The following DGKB variants were observed in gnomAD, a reference collection of about 807,000 sequenced individuals.
DGKB encodes 90 kDa diacylglycerol kinase.
A neutral mutation model predicts 114.3 loss-of-function variants in DGKB; 67 were observed. The observed-to-expected ratio is 0.59, with a 90% CI of 0.48 to 0.72. DGKB has a LOEUF of 0.72. Among genes scored for constraint, DGKB ranks in the 30% least tolerant of loss-of-function variants. The pLI, the probability that DGKB is intolerant of heterozygous loss-of-function variation, is 0.00. For missense variants in DGKB, 907 were observed against 975.2 expected (o/e 0.93, Z 0.93); for synonymous variants, 398 against 323.1 (o/e 1.23, Z -2.49).
chr7:14,726,494 G>A (rs1191978901), intron 5 of DGKB, among the ~76,000 whole-genome samples: 3 of 152,152 alleles, frequency 2.0e-5, no homozygotes, highest in African/African-American at 7.2e-5. Context: ...AAATAAATCA[G>A]AGGAAACTGT....
intron 23 of DGKB, among the ~76,000 whole-genome samples, chr7:14,248,989 G>A (rs1040353804): frequency 2.0e-5 from 3 of 152,206 alleles, no homozygotes; most frequent in Non-Finnish European, 2.9e-5. Context: ...CTTGTATGGC[G>A]TTTATTACGT....
At chr7:14,392,066 A>G (rs1344626617) in intron 21 of DGKB, among the ~76,000 whole-genome samples, 2 of 152,194 alleles carry the variant, frequency 1.3e-5, no homozygotes, top group African/African-American at 4.8e-5. Context: ...TTCCAAAACA[A>G]TTTGGAAATC....
At chr7:14,305,259 A>G (rs1199744528) in intron 23 of DGKB, among the ~76,000 whole-genome samples, 2 of 152,066 alleles carry the variant, frequency 1.3e-5, no homozygotes, top group Non-Finnish European at 2.9e-5. Context: ...GTACCCATTA[A>G]CCAACCTCTT....
chr7:14,758,923 A>AGAT (rs1562462361), intron 2 of DGKB, among the ~76,000 whole-genome samples: 1,731 of 149,904 alleles, frequency 0.012, 38 homozygotes, highest in African/African-American at 0.042. Context: ...ATAGATAGAT[A>AGAT]GATAGATAGA....
intron 10 of DGKB, among the ~76,000 whole-genome samples, chr7:14,683,340 G>C (rs1175425024): frequency 6.6e-6 from 1 of 152,114 alleles, no homozygotes; most frequent in Non-Finnish European, 1.5e-5. Context: ...CATCATACAT[G>C]CCAGGCCTTT....
At chr7:14,155,625 C>G (rs2128218534) in intron 25 of DGKB, among the ~76,000 whole-genome samples, 1 of 151,982 alleles carries the variant, frequency 6.6e-6, no homozygotes, top group Non-Finnish European at 1.5e-5. Context: ...CAGGGCAGTG[C>G]CAATGGGAAC....
intron 6 of DGKB, among the ~76,000 whole-genome samples, chr7:14,709,061 A>G (rs1168472327): frequency 2.8e-5 from 4 of 143,336 alleles, no homozygotes; most frequent in African/African-American, 1.0e-4. Flanking sequence ...TTCGCAACCT[A>G]CTCATCTGAC....
intron 5 of DGKB, among the ~76,000 whole-genome samples, chr7:14,728,321 A>G (rs1467530661): frequency 1.3e-5 from 2 of 152,130 alleles, no homozygotes; most frequent in South Asian, 2.1e-4. Context: ...CTGGCTTAAA[A>G]TCTCATAATG....
At chr7:14,264,856 A>G (rs1334533161) in intron 23 of DGKB, among the ~76,000 whole-genome samples, 1 of 152,180 alleles carries the variant, frequency 6.6e-6, no homozygotes, top group Non-Finnish European at 1.5e-5. Context: ...GCACAAAATC[A>G]TGAGAAAAAT....
chr7:14,658,965 C>T (rs1816438735), intron 13 of DGKB, among the ~76,000 whole-genome samples: 2 of 151,836 alleles, frequency 1.3e-5, no homozygotes, highest in East Asian at 1.9e-4. Context: ...AGGTTTGTTC[C>T]ACAGGTATAC....
intron 14 of DGKB, among the ~76,000 whole-genome samples, chr7:14,625,713 T>A (rs1033071494): frequency 6.6e-6 from 1 of 152,108 alleles, no homozygotes. Flanking sequence ...ATCCTAGATA[T>A]ACAAAGAGTT....
chr7:14,865,027 G>C (rs1378137215), intron 1 of DGKB, among the ~76,000 whole-genome samples: 2 of 152,156 alleles, frequency 1.3e-5, no homozygotes, highest in Non-Finnish European at 2.9e-5. Context: ...CACAGCAGCA[G>C]AGATGAGGGA....
At chr7:14,222,553 T>C (rs1198090525) in intron 23 of DGKB, among the ~76,000 whole-genome samples, 1 of 151,426 alleles carries the variant, frequency 6.6e-6, no homozygotes. Context: ...ATTCGGTCTA[T>C]CCTGGAGAAT....
At chr7:14,356,796 G>A (rs1056494616) in intron 21 of DGKB, among the ~76,000 whole-genome samples, 14 of 152,132 alleles carry the variant, frequency 9.2e-5, no homozygotes, top group Non-Finnish European at 1.5e-4. Context: ...CTGGTATGTT[G>A]TGTCTTTGTT....
At chr7:14,803,590 T>G in intron 2 of DGKB, among the ~76,000 whole-genome samples, 1 of 152,210 alleles carries the variant, frequency 6.6e-6, no homozygotes. Flanking sequence ...TGTTAGACAC[T>G]GTCCCTTTCG....
chr7:14,193,541 CA>C (rs1312421067), intron 23 of DGKB, among the ~76,000 whole-genome samples: 1 of 152,078 alleles, frequency 6.6e-6, no homozygotes, highest in Non-Finnish European at 1.5e-5. Flanking sequence ...GTACAAAAAT[CA>C]ACTCAAAATG....
chr7:14,330,328 T>C (rs1424159627), intron 23 of DGKB, among the ~76,000 whole-genome samples: 2 of 151,980 alleles, frequency 1.3e-5, no homozygotes, highest in Non-Finnish European at 1.5e-5. Context: ...CCTACATTCA[T>C]TAGGTGATAG....
chr7:14,748,224 G>A (rs1833637580), intron 4 of DGKB, among the ~76,000 whole-genome samples: 1 of 152,136 alleles, frequency 6.6e-6, no homozygotes, highest in Non-Finnish European at 1.5e-5. Context: ...TTCCTTCCAT[G>A]AGGGAGCTTA....
intron 2 of DGKB, among the ~76,000 whole-genome samples, chr7:14,810,065 T>C (rs974535463): frequency 5.3e-5 from 8 of 152,214 alleles, no homozygotes; most frequent in African/African-American, 1.7e-4. Flanking sequence ...ATTTAGTCCT[T>C]TAATTTATCT....
Sources: allele counts gnomAD v4.1 joint callset (sites outside exome capture counted in the v4.1 genomes callset), GRCh38; gene constraint gnomAD v4.1.1; transcripts MANE v1.5; gene names NCBI Gene and HGNC (gene_info 2026-07-23, HGNC 2026-07-21).